The following DUOX1 variants were observed in gnomAD, a reference collection of about 807,000 sequenced individuals.
DUOX1 encodes dual oxidase 1.
A neutral mutation model predicts 181.8 loss-of-function variants in DUOX1; 134 were observed. The ratio of observed to expected loss-of-function variants is 0.74; its 90% confidence interval spans 0.64 to 0.85. DUOX1 has a LOEUF of 0.85. Ranked by LOEUF, DUOX1 falls within the 40% of genes least tolerant of loss-of-function variation. The pLI, the probability that DUOX1 is intolerant of heterozygous loss-of-function variation, is 0.00. For synonymous variants in DUOX1, 798 were observed against 832.5 expected (o/e 0.96, Z 0.71); for missense variants, 1,814 against 2,064.4 (o/e 0.88, Z 2.35).
chr15:45,158,221 C>T (rs1160877883), intron 28 of DUOX1, among the ~76,000 whole-genome samples: 3 of 152,200 alleles, frequency 2.0e-5, no homozygotes, highest in Admixed American at 6.5e-5. Flanking sequence ...TGTACTCAGC[C>T]TGTTTGGATG....
intron 25 of DUOX1, chr15:45,153,175 C>T (rs1020176515): frequency 2.6e-5 from 13 of 496,792 alleles, no homozygotes; most frequent in South Asian, 5.2e-5. Context: ...GAGCCGAGAT[C>T]GCACCACTGC....
At chr15:45,156,472 G>A (rs772918294) in intron 28 of DUOX1, among the ~76,000 whole-genome samples, 21 of 151,938 alleles carry the variant, frequency 1.4e-4, no homozygotes, top group Non-Finnish European at 1.8e-4. Context: ...TCGCCCTGTC[G>A]CCCAGGCTGG....
At chr15:45,152,219 A>G (rs1595589902) in intron 24 of DUOX1, 67 bp from the exon 25 acceptor site, 1 of 1,493,666 alleles carries the variant, frequency 6.7e-7, no homozygotes, top group Non-Finnish European at 9.1e-7. Context: ...GCCAGGGCCT[A>G]CCGCCCCTAA....
chr15:45,144,843 A>G lies in DUOX1; in HGVS notation c.2137-52A>G, dbSNP rs554425834. The stretch of plus-strand genomic sequence containing the variant: ...CTGACATAATCCACATAAACTGCCT[A>G]ACCTCAAGAGGCCTTGGCAAATGGT... On this transcript the variant is annotated intron_variant, in intron 17 of 33. Transcript: ENST00000389037. 2.4e-5 allele frequency: 37 copies of G among 1,540,730 alleles called. No homozygotes were observed. The East Asian group carries it at 8.1e-4, about 34-fold the overall frequency.
At position 45,165,137 on chromosome 15, in the gene DUOX1, T is replaced by C. The variant is rs1897196740; in HGVS notation, c.*236T>C. ...AGTGTCTAGGGACTAGAGTGAGAAG[T>C]AGGGGAGCTACTGATTTGGGGCAAA... is the stretch of plus-strand genomic sequence containing the variant. On this transcript the variant is annotated 3_prime_UTR_variant, in exon 34 of 34. Transcript: ENST00000389037. 1 of 564,636 alleles carries C rather than the reference T, an allele frequency of 1.8e-6. No homozygotes were observed. The highest frequency in any genetic ancestry group is 3.1e-6 in the Non-Finnish European group (1 of 317,862). The allele number at this position is 564,636 out of a possible 1,614,324, so 35.0% of individuals were successfully genotyped here.
At position 45,163,847 on chromosome 15, in the gene DUOX1, C is replaced by A. The variant is rs773444369; in HGVS notation, c.4462C>A (p.Arg1488Ser). Residue 1488 changes from arginine (R) to serine (S), a missense_variant, in exon 33 of 34, where the codon CGC becomes AGC. Arg to Ser is a moderately radical substitution (Grantham distance 110, BLOSUM62 -1). Around this residue, in one of 5 missense-constraint regions of DUOX1, gnomAD observed 124 missense variants for 125.7 expected, o/e 0.99. Transcript: ENST00000389037. ...GAACCGGAGTCTATTCACAGGCCTG[C>A]GCTCCATCACCCACTTTGGCCGTCC... Reference protein sequence around the residue: ...VLNRSLFTGLRSITHFGRPPF... With the variant: ...VLNRSLFTGLSSITHFGRPPF... 6.2e-7 allele frequency: 1 copy of A among 1,614,152 alleles called. No individual in the cohort carries two copies. Among genetic ancestry groups the A allele is most frequent in the Non-Finnish European group, 8.5e-7 (1 of 1,180,012 alleles).
At position 45,151,196 on chromosome 15, in the gene DUOX1, T is replaced by G. The variant is rs1421588884; in HGVS notation, c.2962T>G (p.Cys988Gly). 2.5e-6 allele frequency: 4 copies of G among 1,614,182 alleles called. No homozygotes were observed. Among genetic ancestry groups the G allele is most frequent in the Admixed American group, 3.3e-5 (2 of 60,022 alleles). The change falls in exon 23 of 34, where the codon TGC becomes GGC. Residue 988 changes from cysteine (C) to glycine (G), a missense_variant. Cys to Gly is a radical substitution (Grantham distance 159, BLOSUM62 -3). Transcript: ENST00000389037. ...TGAGTTGACACCTCAGAGACTGCAG[T>G]GCCCCATGGACACAGACCCTCCCCA... ...ETELTPQRLQ[C>G]PMDTDPPQEI...
In DUOX1 at chr15:45,147,456, C is replaced by G. The variant is rs559724860; in HGVS notation, c.2346C>G (p.Asp782Glu). 3 of 1,613,822 alleles carry G rather than the reference C, an allele frequency of 1.9e-6. No individual in the cohort carries two copies. Among genetic ancestry groups the G allele is most frequent in the African/African-American group, 1.3e-5 (1 of 75,032 alleles). The change falls in exon 19 of 34, where the codon GAC (aspartate) becomes GAG (glutamate). Residue 782 changes from aspartate (D) to glutamate (E), a missense_variant. By Grantham distance (45) the Asp-to-Glu change is conservative (BLOSUM62 2). Coordinates refer to ENST00000389037, the MANE Select transcript of DUOX1 (RefSeq NM_175940.3). ...FSQVLDINQA[D>E]AGTLPLDSSQ... The stretch of plus-strand genomic sequence containing the variant: ...AGGTGCTGGACATCAACCAGGCCGA[C>G]GCAGGGACCCTGCCCCTGGACTCCT...
chr15:45,154,595 G>GTTTTTTTT (rs1193223968), intron 27 of DUOX1, among the ~76,000 whole-genome samples: 5 of 139,930 alleles, frequency 3.6e-5, no homozygotes, highest in African/African-American at 5.3e-5. Flanking sequence ...ACACAGCATG[G>GTTTTTTTT]TTTTTTTTTT....
chr15:45,141,454 C>T (rs1896490621), intron 14 of DUOX1, 44 bp downstream of exon 14: 2 of 1,586,622 alleles, frequency 1.3e-6, no homozygotes, highest in Non-Finnish European at 8.7e-7. Context: ...GGTCTGGAGC[C>T]TCGTCCCTCT....
intron 19 of DUOX1, 104 bp downstream of exon 19, chr15:45,147,762 G>A (rs1298571893): frequency 1.5e-5 from 23 of 1,564,068 alleles, no homozygotes; most frequent in Non-Finnish European, 1.9e-5. Flanking sequence ...GCCCAGAAGT[G>A]CCCAGGCCGA....
intron 27 of DUOX1, 141 bp from the exon 28 acceptor site, chr15:45,155,661 G>A (rs1166955183): frequency 5.3e-6 from 6 of 1,140,660 alleles, no homozygotes; most frequent in Admixed American, 2.0e-5. Context: ...CAGTGGTGTT[G>A]GGGGAGAGGA....
Position 45,139,599 on chromosome 15 carries a change from T to C in DUOX1, c.1389T>C (p.Thr463=). 1 of 1,572,576 alleles carries C rather than the reference T, an allele frequency of 6.4e-7. No homozygotes were observed. Among genetic ancestry groups the C allele is most frequent in the Non-Finnish European group, 8.6e-7 (1 of 1,160,608 alleles). The change falls in exon 12 of 34, where the codon ACT becomes ACC. Residue 463 remains threonine (T), a splice_region_variant and synonymous_variant. Transcript: ENST00000389037. The stretch of plus-strand genomic sequence containing the variant: ...CTGCACTCTCCCGGAGCAATGACAC[T>C]GTGAGGAGGGGTCAGGACCCAGAGG... ...INPALSRSND[T]VLEATAALYN... is the part of the protein sequence containing the mutation.
chr15:45,135,404 C>A, intron 5 of DUOX1, 70 bp from the exon 6 acceptor site: 1 of 1,506,752 alleles, frequency 6.6e-7, no homozygotes, highest in Non-Finnish European at 8.8e-7. Flanking sequence ...CGCGGACACC[C>A]GCCGGGCCCC....
chr15:45,135,641 C>A lies in DUOX1; in HGVS notation c.663C>A (p.Pro221=), dbSNP rs1233190652. Residue 221 remains proline (P), a synonymous_variant, in exon 6 of 34, where the codon CCC becomes CCA. Coordinates refer to ENST00000389037, the MANE Select transcript of DUOX1 (RefSeq NM_175940.3). The stretch of plus-strand genomic sequence containing the variant: ...TGCTCATGTGGGCGGCGCCCGACCC[C>A]GCCACCGGGCAGAACGGGCCCCGGG... ...NPLLMWAAPD[P]ATGQNGPRGL... 2 of 1,538,994 alleles carry A rather than the reference C, an allele frequency of 1.3e-6. No individual in the cohort carries two copies. Among genetic ancestry groups the A allele is most frequent in the Non-Finnish European group, 1.8e-6 (2 of 1,142,634 alleles).
At position 45,164,912 on chromosome 15, in the gene DUOX1, G is replaced by T. The variant is rs771627642; in HGVS notation, c.*11G>T. 1 of 1,613,586 alleles carries T rather than the reference G, an allele frequency of 6.2e-7. No homozygotes were observed. The highest frequency in any genetic ancestry group is 8.5e-7 in the Non-Finnish European group (1 of 1,179,608). On this transcript the variant is annotated 3_prime_UTR_variant, in exon 34 of 34. Transcript: ENST00000389037. ...TATGAGAACTTCTAGGCCCCTGCCC[G>T]GGGGTTCTGCCCACTGCCCAGTTGA...
chr15:45,141,526 A>G lies in DUOX1; in HGVS notation c.1684+116A>G, dbSNP rs567154657. 78 of 1,197,894 alleles carry G rather than the reference A, an allele frequency of 6.5e-5. No individual in the cohort carries two copies. In the African/African-American group the frequency reaches 1.0e-3, roughly 16 times the overall value. 74.2% of individuals were successfully genotyped at this position (1,197,894 alleles called of 1,614,324 possible). A position where few individuals can be genotyped will look rare whatever the true frequency, so the allele number is the denominator to read the frequency against. On this transcript the variant is annotated intron_variant, in intron 14 of 33. Coordinates refer to ENST00000389037, the MANE Select transcript of DUOX1 (RefSeq NM_175940.3). Reference sequence around the variant, plus strand: ...ATCTCTGTGCTCCAAGAGGGGAGTGAGCTGTGGTTCTGCCCTTGGGAACTC... The same window carrying G: ...ATCTCTGTGCTCCAAGAGGGGAGTGGGCTGTGGTTCTGCCCTTGGGAACTC...
intron 23 of DUOX1, 50 bp downstream of exon 23, chr15:45,151,298 C>A: frequency 6.3e-7 from 1 of 1,593,586 alleles, no homozygotes; most frequent in Non-Finnish European, 8.6e-7. Flanking sequence ...ATTCCTTCAG[C>A]TTATAAACAT....
intron 9 of DUOX1, 136 bp downstream of exon 9, chr15:45,136,761 G>T: frequency 1.3e-6 from 1 of 755,648 alleles, no homozygotes; most frequent in South Asian, 1.8e-5. Flanking sequence ...GAGAGGGGAA[G>T]AAAACAATTG....
Sources: allele counts gnomAD v4.1 joint callset (sites outside exome capture counted in the v4.1 genomes callset), GRCh38; gene constraint gnomAD v4.1.1; regional missense constraint gnomAD v4.1.1; transcripts MANE v1.5; gene names NCBI Gene and HGNC (gene_info 2026-07-23, HGNC 2026-07-21).